CUL9: variants seen among roughly 807,000 people sequenced by gnomAD.
CUL9 encodes cullin-9.
Under a neutral mutation model 272.6 loss-of-function variants are expected in CUL9, and 79 were observed. The observed-to-expected ratio is 0.29, with a 90% CI of 0.24 to 0.35. CUL9 has a LOEUF of 0.35. Among genes scored for constraint, CUL9 ranks in the 10% least tolerant of loss-of-function variants. The probability of loss-of-function intolerance (pLI) is 1.00; values close to 1 mark genes in which losing one functional copy is unlikely to be tolerated. For missense variants in CUL9, 2,532 were observed against 3,255.6 expected (o/e 0.78, Z 5.41); for synonymous variants, 1,186 against 1,286.5 (o/e 0.92, Z 1.67).
chr6:43,188,503 C>T lies in CUL9; in HGVS notation c.1988-20C>T, dbSNP rs760286461. 36 of 1,571,422 alleles carry T rather than the reference C, an allele frequency of 2.3e-5. No homozygotes were observed. Among genetic ancestry groups the T allele is most frequent in the Non-Finnish European group, 2.8e-5 (32 of 1,159,492 alleles). On this transcript the variant is annotated intron_variant, in intron 7 of 40. Transcript: ENST00000252050. ...GGTGCCACAGTTCTTTTAGCCATTG[C>T]CTTTTCCCACCAATTTCAGAAATGG...
rs1051233461 is a variant in CUL9, at chr6:43,211,990, A to G, written c.5213-1159A>G. 3.3e-5 allele frequency among the ~76,000 whole-genome samples: 5 copies of G among 152,310 alleles called. No individual in the cohort carries two copies. The South Asian group carries it at 1.0e-3, about 32-fold the overall frequency. On this transcript the variant is annotated intron_variant, in intron 26 of 40. Transcript: ENST00000252050. ...CATTATCTTACATCTCCCTTACTCTATAGGTTTCCACCTCCCATTTTATCC... is the reference window on the plus strand; with the variant it reads ...CATTATCTTACATCTCCCTTACTCTGTAGGTTTCCACCTCCCATTTTATCC...
intron 36 of CUL9, 68 bp downstream of exon 36, chr6:43,222,458 T>TGGGGGGGGGGG: frequency 1.3e-6 from 1 of 762,458 alleles, no homozygotes; most frequent in Non-Finnish European, 2.1e-6. Context: ...TGGAGGGGGG[T>TGGGGGGGGGGG]GGGCTGAAGG....
chr6:43,209,147 C>CT (rs59098026), intron 26 of CUL9, among the ~76,000 whole-genome samples: 13,201 of 130,968 alleles, frequency 0.1, 663 homozygotes, highest in Non-Finnish European at 0.11. Flanking sequence ...TTCTTTCTTT[C>CT]TTTTTTTTTT....
intron 16 of CUL9, among the ~76,000 whole-genome samples, chr6:43,202,027 A>G (rs1774625544): frequency 6.6e-6 from 1 of 152,224 alleles, no homozygotes; most frequent in African/African-American, 2.4e-5. Context: ...CTAGTAGAGA[A>G]AGGATCCATG....
At position 43,221,360 on chromosome 6, in the gene CUL9, AGGG is replaced by A; in HGVS notation, c.6752+43_6752+45del. 1 of 926,598 alleles carries A rather than the reference AGGG, an allele frequency of 1.1e-6. No homozygotes were observed. The highest frequency in any genetic ancestry group is 1.5e-6 in the Non-Finnish European group (1 of 669,940). 57.4% of individuals were successfully genotyped at this position (926,598 alleles called of 1,614,324 possible). ...TACTGTGGGGAGCCAGAGGGCAAGG[AGGG>A]GGGAGGAGGCCTGGCAGAAGGAGGG... is the stretch of plus-strand genomic sequence containing the variant. On this transcript the variant is annotated intron_variant, in intron 34 of 40. Transcript: ENST00000252050. This position sits in a 1 kb window ranked among gnomAD's most constrained non-coding sequence, Gnocchi z 4.2.
rs141684867 is a variant in CUL9 at position 43,219,190 on chromosome 6, AAGAG to A, written c.6283-1251_6283-1248del. Among the ~76,000 whole-genome samples, 15 of 150,086 alleles carry A rather than the reference AAGAG, an allele frequency of 1.0e-4. No individual in the cohort carries two copies. The East Asian group carries it at 2.5e-3, about 25-fold the overall frequency. ...GGTGACAAAGCGAGACTTTGTTTAA[AAGAG>A]AGAGAGAGAGAGAGAGACAAGGGGC... On this transcript the variant is annotated intron_variant, in intron 31 of 40. Coordinates refer to ENST00000252050, the MANE Select transcript of CUL9 (RefSeq NM_015089.4).
Position 43,213,201 on chromosome 6 carries a change from G to A in CUL9, c.5265G>A (p.Thr1755=), listed in dbSNP as rs758104057. 7 of 1,614,182 alleles carry A rather than the reference G, an allele frequency of 4.3e-6. No individual in the cohort carries two copies. Among genetic ancestry groups the A allele is most frequent in the Admixed American group, 1.7e-5 (1 of 60,024 alleles). The change falls in exon 27 of 41, where the codon ACG becomes ACA. Residue 1755 remains threonine, a synonymous_variant. Transcript: ENST00000252050. The surrounding 1 kb of genome is among the most constrained non-coding windows in gnomAD (Gnocchi z 5.7). ...DMGPHRRLQW[T]WLGRAELQFG... ...GACCACATCGGCGACTGCAGTGGAC[G>A]TGGCTGGGCCGGGCTGAGCTGCAGT... is the stretch of plus-strand genomic sequence containing the variant.
At position 43,203,006 on chromosome 6, in the gene CUL9, A is replaced by G; in HGVS notation, c.3754-103A>G. 1 of 1,335,892 alleles carries G rather than the reference A, an allele frequency of 7.5e-7. No homozygotes were observed. The highest frequency in any genetic ancestry group is 1.1e-6 in the Non-Finnish European group (1 of 935,812). 82.8% of individuals were successfully genotyped at this position (1,335,892 alleles called of 1,614,324 possible). A position where few individuals can be genotyped will look rare whatever the true frequency, so the allele number is the denominator to read the frequency against. Reference sequence around the variant, plus strand: ...GTCCATCCCTAGGCTCTGCGGGAGAAGTGAAGGGCACACACCATGACCGAC... The same window carrying G: ...GTCCATCCCTAGGCTCTGCGGGAGAGGTGAAGGGCACACACCATGACCGAC... On this transcript the variant is annotated intron_variant, in intron 17 of 40. Transcript: ENST00000252050. The surrounding 1 kb of genome is among the most constrained non-coding windows in gnomAD (Gnocchi z 5.0).
intron 9 of CUL9, among the ~76,000 whole-genome samples, chr6:43,194,097 CTGGTAGGG>C (rs967749683): frequency 1.3e-5 from 2 of 152,060 alleles, no homozygotes; most frequent in African/African-American, 4.8e-5. Context: ...GAAGTGCTGG[CTGGTAGGG>C]TGGTGTGGGC....
chr6:43,185,921 G>T (rs1336864891), intron 3 of CUL9, 34 bp from the exon 4 acceptor site: 3 of 1,558,982 alleles, frequency 1.9e-6, no homozygotes, highest in South Asian at 1.2e-5. Flanking sequence ...AAGCCAGGAA[G>T]AGATGAACCT....
At chr6:43,222,970 A>G (rs1257594470) in intron 38 of CUL9, 74 bp downstream of exon 38, 64 of 1,269,974 alleles carry the variant, frequency 5.0e-5, no homozygotes, top group Non-Finnish European at 6.8e-5. Flanking sequence ...CCTCCCAGAC[A>G]GGTCAAGCGG....
Position 43,200,093 on chromosome 6 carries a change from G to C in CUL9, c.3321G>C (p.Glu1107Asp). The C allele has an allele frequency of 6.2e-7, 1 of 1,614,226 alleles. No homozygotes were observed. ...LGCELRDLVT[E>D]CEKYAQLYSN... ...GTGAGCTTCGGGACCTGGTGACAGA[G>C]TGTGAGAAGTACGCACAGCTCTATA... The change falls in exon 14 of 41, where the codon GAG (glutamate) becomes GAC (aspartate). Residue 1107 changes from glutamate to aspartate, a missense_variant. Around this residue, in one of 3 missense-constraint regions of CUL9, gnomAD observed 2,218 missense variants for 2,788.6 expected, o/e 0.80. Transcript: ENST00000252050. This position sits in a 1 kb window ranked among gnomAD's most constrained non-coding sequence, Gnocchi z 4.0.
rs761802978 is a variant in CUL9, at chr6:43,222,454, G to C, written c.6921+64G>C. ...GCAGGTTGGGGTGGTGGGGTGGAGGGGGGTGGGCTGAAGGTCTGACCGGGC... is the reference window on the plus strand; with the variant it reads ...GCAGGTTGGGGTGGTGGGGTGGAGGCGGGTGGGCTGAAGGTCTGACCGGGC... On this transcript the variant is annotated intron_variant, in intron 36 of 40. Transcript: ENST00000252050. The C allele has an allele frequency of 4.0e-4, 640 of 1,585,588 alleles. 6 individuals carry two copies. Among genetic ancestry groups the C allele is most frequent in the Middle Eastern group, 5.0e-4 (3 of 6,022 alleles).
At chr6:43,185,435 T>C (rs755109855) in intron 2 of CUL9, 21 bp from the exon 3 acceptor site, 8 of 1,609,232 alleles carry the variant, frequency 5.0e-6, no homozygotes, top group South Asian at 2.2e-5. Flanking sequence ...GGAGAAGATA[T>C]GGATTGGGTA....
At chr6:43,201,511 G>A (rs1046082560) in intron 16 of CUL9, among the ~76,000 whole-genome samples, 4 of 152,040 alleles carry the variant, frequency 2.6e-5, no homozygotes, top group Admixed American at 1.3e-4. Context: ...ATGGAGTCTC[G>A]CTCTGCCGCC....
chr6:43,201,264 G>A (rs1774506671), intron 16 of CUL9, among the ~76,000 whole-genome samples: 1 of 152,220 alleles, frequency 6.6e-6, no homozygotes, highest in Non-Finnish European at 1.5e-5. Flanking sequence ...TGGTCCACAT[G>A]TGGACCTGAG....
chr6:43,222,667 A>G, intron 37 of CUL9, 26 bp downstream of exon 37: 1 of 1,609,230 alleles, frequency 6.2e-7, no homozygotes, highest in Non-Finnish European at 8.5e-7. Context: ...GGAAGAGAGC[A>G]GGGGAGGGGT....
chr6:43,221,391 G>A lies in CUL9; in HGVS notation c.6752+70G>A, dbSNP rs1357227820. 9 of 682,244 alleles carry A rather than the reference G, an allele frequency of 1.3e-5. No homozygotes were observed. Among genetic ancestry groups the A allele is most frequent in the Admixed American group, 4.9e-5 (2 of 41,180 alleles). 42.3% of individuals were successfully genotyped at this position (682,244 alleles called of 1,614,324 possible). On this transcript the variant is annotated intron_variant, in intron 34 of 40. Transcript: ENST00000252050. This position sits in a 1 kb window ranked among gnomAD's most constrained non-coding sequence, Gnocchi z 4.2. ...GAGGAGGCCTGGCAGAAGGAGGGGG[G>A]AACGGGCTTAGTGTAAAGCTCAGCA...
rs1039263101 is a variant in CUL9 at position 43,216,521 on chromosome 6, T to C, written c.6282+18T>C. On this transcript the variant is annotated intron_variant, in intron 31 of 40. Transcript: ENST00000252050. ...GCTGTAAGGTGAGGCCCCACCAGCA[T>C]TGCTCCTGCCCCTGGCTTTCTGCCC... 9.6e-6 allele frequency: 15 copies of C among 1,563,980 alleles called. No individual in the cohort carries two copies. The highest frequency in any genetic ancestry group is 1.7e-5 in the Admixed American group (1 of 57,608).
Sources: allele counts gnomAD v4.1 joint callset (sites outside exome capture counted in the v4.1 genomes callset), GRCh38; gene constraint gnomAD v4.1.1; regional missense constraint gnomAD v4.1.1; non-coding constraint Gnocchi (gnomAD v3.1); transcripts MANE v1.5; gene names NCBI Gene and HGNC (gene_info 2026-07-23, HGNC 2026-07-21).